Variants in PHACTR4 observed in about 807,000 individuals in gnomAD.
PHACTR4 encodes the protein protein phosphatase 1, regulatory subunit 124.
In PHACTR4, 51 loss-of-function variants were observed where a neutral mutation model predicts 72.7. The ratio of observed to expected loss-of-function variants is 0.70; its 90% CI spans 0.56 to 0.89. PHACTR4 has a LOEUF of 0.89. PHACTR4 is among the 40% of genes least tolerant of loss of function. The probability of loss-of-function intolerance (pLI) is 0.00; values close to 1 mark genes in which losing one functional copy is unlikely to be tolerated. For synonymous variants in PHACTR4, 255 were observed against 302.5 expected (o/e 0.84, Z 1.63); for missense variants, 731 against 861.8 (o/e 0.85, Z 1.90).
intron 2 of PHACTR4, among the ~76,000 whole-genome samples, chr1:28,431,455 A>G (rs1044426197): frequency 1.3e-5 from 2 of 148,290 alleles, no homozygotes; most frequent in Non-Finnish European, 3.0e-5. Context: ...GGCCTCCCAA[A>G]GTGCTGGGAT....
At chr1:28,490,870 C>T (rs1406584359) in intron 10 of PHACTR4, 81 bp from the exon 11 acceptor site, 17 of 1,310,630 alleles carry the variant, frequency 1.3e-5, no homozygotes, top group Admixed American at 1.8e-5. Flanking sequence ...AAAGAAATAT[C>T]TGTAATGTAA....
intron 10 of PHACTR4, chr1:28,489,695 T>A: frequency 2.0e-6 from 1 of 493,848 alleles, no homozygotes; most frequent in Non-Finnish European, 4.1e-6. Flanking sequence ...GGACCATATA[T>A]TTAATTTGCT....
chr1:28,473,120 C>T (rs1038730881), intron 6 of PHACTR4, among the ~76,000 whole-genome samples: 7 of 151,432 alleles, frequency 4.6e-5, no homozygotes, highest in Admixed American at 2.0e-4. Flanking sequence ...ACTAAAAATA[C>T]AAAAATTAGC....
chr1:28,463,667 C>G (rs2124478289), intron 4 of PHACTR4, among the ~76,000 whole-genome samples: 1 of 152,300 alleles, frequency 6.6e-6, no homozygotes, highest in Non-Finnish European at 1.5e-5. Context: ...ATTACTTTGG[C>G]TTTAGAAGTA....
chr1:28,371,709 G>T (rs1651260734), intron 1 of PHACTR4, among the ~76,000 whole-genome samples: 1 of 151,868 alleles, frequency 6.6e-6, no homozygotes, highest in South Asian at 2.1e-4. Flanking sequence ...TCAAGCCTCT[G>T]CCTCCAGAGT....
chr1:28,382,239 T>G (rs1652228454), intron 1 of PHACTR4, among the ~76,000 whole-genome samples: 1 of 152,202 alleles, frequency 6.6e-6, no homozygotes, highest in South Asian at 2.1e-4. Context: ...GTGCAGGAGC[T>G]CTTTAATTAG....
In PHACTR4 at chr1:28,460,265, G is replaced by C. The variant is rs760500813; in HGVS notation, c.244G>C (p.Gly82Arg). ...GCCAAGAGAAGAGCTGGTTAAAAGAGGGGTTCTGTTGGAAGACCCTGAGCA... is the reference window on the plus strand; with the variant it reads ...GCCAAGAGAAGAGCTGGTTAAAAGACGGGTTCTGTTGGAAGACCCTGAGCA... Reference protein sequence around the residue: ...RKPREELVKRGVLLEDPEQGG... With the variant: ...RKPREELVKRRVLLEDPEQGG... The change falls in exon 4 of 14, where the codon GGG becomes CGG. Residue 82 changes from glycine (G) to arginine (R), a missense_variant. Gly to Arg is a moderately radical substitution (Grantham distance 125, BLOSUM62 -2). This residue lies in a region of PHACTR4 where 621 missense variants were observed against 676.6 expected (regional missense o/e 0.92). Coordinates refer to ENST00000373839, the MANE Select transcript of PHACTR4 (RefSeq NM_001048183.3). 7.4e-6 allele frequency: 12 copies of C among 1,613,816 alleles called. No individual in the cohort carries two copies. In the South Asian group the frequency reaches 8.8e-5, roughly 12 times the overall value.
chr1:28,487,368 A>AAAAAAT (rs1330575205), intron 9 of PHACTR4, among the ~76,000 whole-genome samples: 2 of 151,798 alleles, frequency 1.3e-5, no homozygotes, highest in Admixed American at 6.6e-5. Context: ...TCTGCCTAAA[A>AAAAAAT]AAAAATAAAA....
At chr1:28,474,904 CTCTT>C (rs1425463622) in intron 7 of PHACTR4, among the ~76,000 whole-genome samples, 5 of 151,590 alleles carry the variant, frequency 3.3e-5, no homozygotes, top group Non-Finnish European at 7.4e-5. Flanking sequence ...AGAATTTGGA[CTCTT>C]TCTTTTTTTA....
intron 6 of PHACTR4, among the ~76,000 whole-genome samples, chr1:28,467,889 A>G (rs550025495): frequency 6.6e-6 from 1 of 152,308 alleles, no homozygotes; most frequent in East Asian, 1.9e-4. Context: ...AGAATTTTCA[A>G]GAAAGGGAGA....
chr1:28,470,653 C>T (rs994580124), intron 6 of PHACTR4, among the ~76,000 whole-genome samples: 2 of 151,690 alleles, frequency 1.3e-5, no homozygotes, highest in East Asian at 3.9e-4. Context: ...GCCGTGACTG[C>T]GCCACTGCAC....
At chr1:28,457,629 AT>A (rs1236500360) in intron 2 of PHACTR4, among the ~76,000 whole-genome samples, 9 of 151,542 alleles carry the variant, frequency 5.9e-5, no homozygotes, top group Non-Finnish European at 1.0e-4. Context: ...ATAATAATAA[AT>A]TTTTTTAAAA....
At chr1:28,426,637 C>G (rs1043811239) in intron 2 of PHACTR4, among the ~76,000 whole-genome samples, 5 of 151,672 alleles carry the variant, frequency 3.3e-5, no homozygotes, top group African/African-American at 1.2e-4. Context: ...GCACTCCAAC[C>G]TGGGCGACAG....
intron 9 of PHACTR4, among the ~76,000 whole-genome samples, chr1:28,485,675 C>T (rs1428291198): frequency 6.6e-6 from 1 of 151,130 alleles, no homozygotes; most frequent in Non-Finnish European, 1.5e-5. Flanking sequence ...CCGAGGCAGG[C>T]GTATCACGAG....
intron 2 of PHACTR4, among the ~76,000 whole-genome samples, chr1:28,445,396 A>C (rs1459589189): frequency 6.6e-6 from 1 of 152,056 alleles, no homozygotes; most frequent in Non-Finnish European, 1.5e-5. Context: ...GCCCTTCCTA[A>C]TTCTAATTAG....
At chr1:28,413,569 G>C (rs2124309668) in intron 2 of PHACTR4, among the ~76,000 whole-genome samples, 1 of 152,142 alleles carries the variant, frequency 6.6e-6, no homozygotes, top group South Asian at 2.1e-4. Context: ...TTTCCTGCAA[G>C]ATTTATTCAA....
At chr1:28,428,692 T>G (rs1009140257) in intron 2 of PHACTR4, among the ~76,000 whole-genome samples, 1 of 152,200 alleles carries the variant, frequency 6.6e-6, no homozygotes, top group Non-Finnish European at 1.5e-5. Flanking sequence ...CCTCTCCAGT[T>G]TTTCCTAAAG....
intron 1 of PHACTR4, among the ~76,000 whole-genome samples, chr1:28,371,600 T>C (rs1651249883): frequency 6.7e-6 from 1 of 149,836 alleles, no homozygotes; most frequent in African/African-American, 2.5e-5. Flanking sequence ...TGGCCAATTT[T>C]TATGTATTTA....
chr1:28,480,330 G>C, intron 8 of PHACTR4, 121 bp from the exon 9 acceptor site: 1 of 1,154,634 alleles, frequency 8.7e-7, no homozygotes, highest in South Asian at 1.6e-5. Flanking sequence ...ATCATTTGAG[G>C]CCAGGTGGGA....
Sources: gnomAD v4.1 joint callset for allele counts (sites outside exome capture counted in the v4.1 genomes callset) on GRCh38, gnomAD v4.1.1 for gene constraint, gnomAD v4.1.1 regional missense constraint, MANE v1.5 for transcripts, NCBI Gene and HGNC (gene_info 2026-07-23, HGNC 2026-07-21) for gene names.